CHRM3: variants seen among roughly 807,000 people sequenced by gnomAD.
The protein encoded by CHRM3 is muscarinic acetylcholine receptor M3.
Under a neutral mutation model 41.8 loss-of-function variants are expected in CHRM3, and 11 were observed. The observed-to-expected ratio is 0.26, with a 90% CI of 0.17 to 0.44. CHRM3 has a LOEUF of 0.44. Ranked by LOEUF, CHRM3 falls within the 20% of genes least tolerant of loss-of-function variation. The probability of loss-of-function intolerance (pLI) is 1.00; values close to 1 mark genes in which losing one functional copy is unlikely to be tolerated. For synonymous variants in CHRM3, 297 were observed against 301.4 expected (o/e 0.99, Z 0.15); for missense variants, 571 against 745.4 (o/e 0.77, Z 2.72).
chr1:239,537,092 A>T (rs1240139987), intron 2 of CHRM3, among the ~76,000 whole-genome samples: 3 of 151,922 alleles, frequency 2.0e-5, no homozygotes, highest in African/African-American at 7.3e-5. Context: ...ATTTCTCTGC[A>T]GTTTCTTAAA....
chr1:239,500,093 C>A (rs557528400), intron 2 of CHRM3, among the ~76,000 whole-genome samples: 224 of 148,034 alleles, frequency 1.5e-3, no homozygotes, highest in Non-Finnish European at 2.8e-3. Flanking sequence ...AGATACATCC[C>A]ATCAATACCT....
intron 6 of CHRM3, among the ~76,000 whole-genome samples, chr1:239,899,033 A>C (rs2102995737): frequency 6.6e-6 from 1 of 152,246 alleles, no homozygotes; most frequent in Admixed American, 6.5e-5. Context: ...ATATTAATAA[A>C]AGATGTCAAA....
intron 2 of CHRM3, among the ~76,000 whole-genome samples, chr1:239,514,478 A>C (rs938382436): frequency 3.3e-5 from 5 of 151,984 alleles, no homozygotes; most frequent in African/African-American, 1.2e-4. Flanking sequence ...TATTAATCTT[A>C]TATCCTGAAA....
At chr1:239,405,701 G>C (rs1021499710) in intron 1 of CHRM3, among the ~76,000 whole-genome samples, 4 of 152,058 alleles carry the variant, frequency 2.6e-5, no homozygotes, top group Admixed American at 2.6e-4. Context: ...CAATGAGCGG[G>C]TCAAGTTTTT....
intron 4 of CHRM3, among the ~76,000 whole-genome samples, chr1:239,633,117 CG>C (rs1169678487): frequency 6.6e-6 from 1 of 152,136 alleles, no homozygotes; most frequent in East Asian, 1.9e-4. Flanking sequence ...GGACTACAAG[CG>C]CTGCCACCAT....
intron 5 of CHRM3, among the ~76,000 whole-genome samples, chr1:239,813,294 A>G (rs1671265283): frequency 6.6e-6 from 1 of 152,120 alleles, no homozygotes; most frequent in South Asian, 2.1e-4. Context: ...ATAAATAAAT[A>G]AATTTAGTAA....
At chr1:239,639,709 A>G (rs1418541173) in intron 4 of CHRM3, among the ~76,000 whole-genome samples, 2 of 151,810 alleles carry the variant, frequency 1.3e-5, no homozygotes, top group South Asian at 2.1e-4. Context: ...TTGTCTGCAA[A>G]CAGGGACAAT....
intron 4 of CHRM3, among the ~76,000 whole-genome samples, chr1:239,667,487 A>C (rs1673927536): frequency 6.6e-6 from 1 of 152,094 alleles, no homozygotes. Flanking sequence ...ACGGCTTTTC[A>C]TGATCACCCT....
At chr1:239,891,144 T>G (rs1276205615) in intron 6 of CHRM3, among the ~76,000 whole-genome samples, 1 of 152,052 alleles carries the variant, frequency 6.6e-6, no homozygotes, top group Non-Finnish European at 1.5e-5. Flanking sequence ...TAGAGGTGGG[T>G]GGGGAAAGAT....
At chr1:239,523,025 G>A (rs1347872915) in intron 2 of CHRM3, among the ~76,000 whole-genome samples, 1 of 151,988 alleles carries the variant, frequency 6.6e-6, no homozygotes, top group Non-Finnish European at 1.5e-5. Flanking sequence ...CTACCTAAGG[G>A]GAGCATAGAA....
At chr1:239,662,828 C>T (rs1673334287) in intron 4 of CHRM3, among the ~76,000 whole-genome samples, 1 of 150,584 alleles carries the variant, frequency 6.6e-6, no homozygotes, top group South Asian at 2.1e-4. Context: ...ACTTCCTCTT[C>T]CTCCTCCTCT....
chr1:239,412,199 C>T, intron 1 of CHRM3, among the ~76,000 whole-genome samples: 1 of 142,630 alleles, frequency 7.0e-6, no homozygotes, highest in Non-Finnish European at 1.5e-5. Flanking sequence ...GTCTCAGGTC[C>T]TCCCTCCCTC....
At chr1:239,856,635 T>C (rs1394881643) in intron 6 of CHRM3, among the ~76,000 whole-genome samples, 1 of 152,090 alleles carries the variant, frequency 6.6e-6, no homozygotes, top group Non-Finnish European at 1.5e-5. Flanking sequence ...CTAATACAGA[T>C]GGTATGAGAT....
Position 239,708,736 on chromosome 1 carries a change from C to CTTTTTTTT in CHRM3, c.-147+30468_-147+30475dup, listed in dbSNP as rs869143310. Among the ~76,000 whole-genome samples, 129 of 48,348 alleles carry CTTTTTTTT rather than the reference C, an allele frequency of 2.7e-3. 4 individuals carry two copies. The highest frequency in any genetic ancestry group is 2.9e-3 in the African/African-American group (33 of 11,240). 31.7% of individuals were successfully genotyped at this position (48,348 alleles called of 152,430 possible). ...CTTTGTTTCTTCTGGTTTAAATTTT[C>CTTTTTTTT]TTTTTTTTTTTTTTTTTTTTTTTTT... On this transcript the variant is annotated intron_variant, in intron 5 of 6. Transcript: ENST00000676153.
chr1:239,704,125 C>T (rs915490658), intron 5 of CHRM3: 6 of 152,112 alleles, frequency 3.9e-5, no homozygotes, highest in African/African-American at 1.4e-4. Context: ...TGCCTCTTTA[C>T]AGCTCTTTTG....
At chr1:239,840,092 C>A (rs1305730651) in intron 6 of CHRM3, among the ~76,000 whole-genome samples, 1 of 152,144 alleles carries the variant, frequency 6.6e-6, no homozygotes, top group Non-Finnish European at 1.5e-5. Context: ...TCTCTGTTGA[C>A]CAGCACTCAA....
At chr1:239,874,321 A>ATATATATATATATATATATATATC (rs1676926650) in intron 6 of CHRM3, among the ~76,000 whole-genome samples, 1 of 103,782 alleles carries the variant, frequency 9.6e-6, no homozygotes, top group Non-Finnish European at 2.1e-5. Context: ...ATATATATAT[A>ATATATATATATATATATATATATC]TATATACACA....
chr1:239,855,572 T>C (rs2790327), intron 6 of CHRM3, among the ~76,000 whole-genome samples: 132,595 of 152,090 alleles, frequency 0.87, 60,478 homozygotes, highest in East Asian at 1. Context: ...TTTTCACTCA[T>C]ACACACAAAC....
rs529855342 is a variant in CHRM3, at chr1:239,793,112, C to T, written c.-146-34140C>T. On this transcript the variant is annotated intron_variant, in intron 5 of 6. Coordinates refer to ENST00000676153, the MANE Select transcript of CHRM3 (RefSeq NM_001375978.1). ...GACTTTTCCCAGTGTTAGAAAGATA[C>T]GAATTATTGAACATCAGTAAATCAC... Among the ~76,000 whole-genome samples, 18 of 152,284 alleles carry T rather than the reference C, an allele frequency of 1.2e-4. No individual in the cohort carries two copies. In the South Asian group the frequency reaches 1.2e-3, roughly 11 times the overall value.
Sources: gnomAD v4.1 joint callset for allele counts (sites outside exome capture counted in the v4.1 genomes callset) on GRCh38, gnomAD v4.1.1 for gene constraint, MANE v1.5 for transcripts, NCBI Gene and HGNC (gene_info 2026-07-23, HGNC 2026-07-21) for gene names.